MUC5B: variants seen among roughly 807,000 people sequenced by gnomAD.
The protein encoded by MUC5B is mucin-5B.
MUC5B carries 116 observed loss-of-function variants against 376.9 expected under a neutral mutation model. That is an observed-to-expected ratio of 0.31 (90% CI 0.26 to 0.36). The LOEUF (loss-of-function observed/expected upper bound fraction) is 0.36, where lower values mean the gene tolerates loss of function less well. MUC5B is among the 10% of genes least tolerant of loss of function. The pLI, the probability that MUC5B is intolerant of heterozygous loss-of-function variation, is 1.00. For missense variants in MUC5B, 7,165 were observed against 7,769.9 expected (o/e 0.92, Z 2.93); for synonymous variants, 3,517 against 3,390.9 (o/e 1.04, Z -1.29).
rs200305539 is a variant in MUC5B, at chr11:1,249,733, C to A, written c.12853C>A (p.Pro4285Thr). The stretch of plus-strand genomic sequence containing the variant: ...TCCCCCTCCCAAAGTGCTGACCAGC[C>A]CGGCCACCACACCCACAGCCACCAG... ...TAPPPKVLTS[P>T]ATTPTATSSK... The change falls in exon 31 of 49, where the codon CCG becomes ACG. Residue 4285 changes from proline to threonine, a missense_variant. Pro to Thr is a conservative substitution (Grantham distance 38). Transcript: ENST00000529681. The A allele has an allele frequency of 1.3e-3, 2,118 of 1,582,430 alleles. 255 individuals are homozygous for A. The highest frequency in any genetic ancestry group is 2.6e-3 in the East Asian group (114 of 44,638).
At position 1,252,937 on chromosome 11, in the gene MUC5B, G is replaced by A. The variant is rs1286520208; in HGVS notation, c.15174G>A (p.Val5058=). 3 of 1,612,716 alleles carry A rather than the reference G, an allele frequency of 1.9e-6. No individual in the cohort carries two copies. Among genetic ancestry groups the A allele is most frequent in the Non-Finnish European group, 2.5e-6 (3 of 1,179,870 alleles). Residue 5058 remains valine, a synonymous_variant, in exon 33 of 49, where the codon GTG becomes GTA. Transcript: ENST00000529681. ...TCVNKHLPIK[V]SDPSQPCDFH... ...TGAACAAGCACCTGCCCATCAAAGT[G>A]TCGGACCCGAGCCAGCCCTGTGACT... is the stretch of plus-strand genomic sequence containing the variant.
At position 1,261,444 on chromosome 11, in the gene MUC5B, C is replaced by G; in HGVS notation, c.17125C>G (p.Arg5709Gly). 1 of 1,547,286 alleles carries G rather than the reference C, an allele frequency of 6.5e-7. No homozygotes were observed. Among genetic ancestry groups the G allele is most frequent in the Non-Finnish European group, 8.7e-7 (1 of 1,147,298 alleles). ...QHQCTCCQERRVHEETVPLHC... is the reference protein window; with the variant it reads ...QHQCTCCQERGVHEETVPLHC... ...CCAGTGCACCTGCTGCCAGGAGAGG[C>G]GGGTCCACGAGGAGACGGTGCCCTT... Residue 5709 changes from arginine (R) to glycine (G), a missense_variant, in exon 49 of 49, where the codon CGG becomes GGG. Transcript: ENST00000529681.
At position 1,258,119 on chromosome 11, in the gene MUC5B, C is replaced by A. The variant is rs766767771; in HGVS notation, c.16471C>A (p.Pro5491Thr). The A allele has an allele frequency of 1.1e-5, 18 of 1,592,152 alleles. No individual in the cohort carries two copies. In the East Asian group the frequency reaches 3.6e-4, roughly 32 times the overall value. ...TVCVCNTTTC[P>T]QSLPVCPPGQ... ...CGCAGTGTGCAACACAACCACCTGCCCCCAGAGCCTGCCTGTGTGCCCGCC... is the reference window on the plus strand; with the variant it reads ...CGCAGTGTGCAACACAACCACCTGCACCCAGAGCCTGCCTGTGTGCCCGCC... Residue 5491 changes from proline to threonine, a missense_variant, in exon 42 of 49, where the codon CCC (proline) becomes ACC (threonine). Pro to Thr is a conservative substitution (Grantham distance 38). This residue lies in a region of MUC5B where 842 missense variants were observed against 1,016.9 expected (regional missense o/e 0.83). Coordinates refer to ENST00000529681, the MANE Select transcript of MUC5B (RefSeq NM_002458.3). This position sits in a 1 kb window ranked among gnomAD's most constrained non-coding sequence, Gnocchi z 5.5.
rs763521561 is a variant in MUC5B at position 1,246,815 on chromosome 11, C to G, written c.9935C>G (p.Thr3312Arg). 2 of 1,607,830 alleles carry G rather than the reference C, an allele frequency of 1.2e-6. No homozygotes were observed. The highest frequency in any genetic ancestry group is 1.7e-5 in the Admixed American group (1 of 59,852). The change falls in exon 31 of 49, where the codon ACA becomes AGA. Residue 3312 changes from threonine to arginine, a missense_variant. Thr to Arg is a moderately conservative substitution (Grantham distance 71). Around this residue, in one of 31 missense-constraint regions of MUC5B, gnomAD observed 939 missense variants for 770.6 expected, o/e 1.22. Transcript: ENST00000529681. ...CACACTACCAAAGTGCCGACTACCA[C>G]AACCACGGGCTTCACAGCCACCCCC... Reference protein sequence around the residue: ...TAHTTKVPTTTTTGFTATPSS... With the variant: ...TAHTTKVPTTRTTGFTATPSS...
At position 1,241,267 on chromosome 11, in the gene MUC5B, A is replaced by G. The variant is rs766006565; in HGVS notation, c.4387A>G (p.Thr1463Ala). 5.6e-6 allele frequency: 9 copies of G among 1,593,818 alleles called. No individual in the cohort carries two copies. The highest frequency in any genetic ancestry group is 4.5e-5 in the South Asian group (4 of 88,394). ...GCCTACCCCAACCCAGACCACAGCA[A>G]CCGAAAAGACCACCCTATGGGTGAC... ...AVPTPTQTTA[T>A]EKTTLWVTPS... is the part of the protein sequence containing the mutation. The change falls in exon 31 of 49, where the codon ACC becomes GCC. Residue 1463 changes from threonine to alanine, a missense_variant. Physicochemically the swap from Thr to Ala is moderately conservative, Grantham distance 58 (BLOSUM62 0). Coordinates refer to ENST00000529681, the MANE Select transcript of MUC5B (RefSeq NM_002458.3).
chr11:1,243,887 G>A lies in MUC5B; in HGVS notation c.7007G>A (p.Gly2336Glu), dbSNP rs1186690452. The A allele has an allele frequency of 3.7e-6, 6 of 1,610,556 alleles. No homozygotes were observed. The highest frequency in any genetic ancestry group is 4.2e-6 in the Non-Finnish European group (5 of 1,179,274). ...TACCCCATGCCGGGGCCCTCTGGCG[G>A]GGACTTTGACACCTACTCCAACATC... ...YSYPMPGPSG[G>E]DFDTYSNIRA... is the part of the protein sequence containing the mutation. The change falls in exon 31 of 49, where the codon GGG (glycine) becomes GAG (glutamate). Residue 2336 changes from glycine to glutamate, a missense_variant. By Grantham distance (98) the Gly-to-Glu change is moderately conservative. Transcript: ENST00000529681.
rs1862240902 is a variant in MUC5B, at chr11:1,239,952, G to T, written c.3728+9G>T. 1 of 1,612,490 alleles carries T rather than the reference G, an allele frequency of 6.2e-7. No homozygotes were observed. Among genetic ancestry groups the T allele is most frequent in the Admixed American group, 1.7e-5 (1 of 59,876 alleles). ...GAGAACTGCCAGAGCTGGTGAGGGGGTGGGAAGCGGGTGGCGCTGGGGGAG... is the reference window on the plus strand; with the variant it reads ...GAGAACTGCCAGAGCTGGTGAGGGGTTGGGAAGCGGGTGGCGCTGGGGGAG... On this transcript the variant is annotated intron_variant, in intron 28 of 48. Transcript: ENST00000529681.
chr11:1,247,594 G>A lies in MUC5B; in HGVS notation c.10714G>A (p.Glu3572Lys), dbSNP rs1330298743. Residue 3572 changes from glutamate to lysine, a missense_variant, in exon 31 of 49, where the codon GAG (glutamate) becomes AAG (lysine). Glu to Lys is a moderately conservative substitution (Grantham distance 56, BLOSUM62 1). Around this residue, in one of 31 missense-constraint regions of MUC5B, gnomAD observed 81 missense variants for 154.5 expected, o/e 0.52. Coordinates refer to ENST00000529681, the MANE Select transcript of MUC5B (RefSeq NM_002458.3). ...AACCACGGTGGTGACCACGGGCTGTGAGCCCCAGTGTGCCTGGTCAGAGTG... is the reference window on the plus strand; with the variant it reads ...AACCACGGTGGTGACCACGGGCTGTAAGCCCCAGTGTGCCTGGTCAGAGTG... ...PITTVVTTGC[E>K]PQCAWSEWLD... 3.1e-6 allele frequency: 5 copies of A among 1,610,722 alleles called. No homozygotes were observed. The highest frequency in any genetic ancestry group is 2.3e-4 in the Middle Eastern group (1 of 4,428).
In MUC5B at chr11:1,234,539, A is replaced by C; in HGVS notation, c.2489A>C (p.His830Pro). 6.3e-7 allele frequency: 1 copy of C among 1,581,382 alleles called. No homozygotes were observed. The highest frequency in any genetic ancestry group is 8.6e-7 in the Non-Finnish European group (1 of 1,164,546). The change falls in exon 21 of 49, where the codon CAC (histidine) becomes CCC (proline). Residue 830 changes from histidine (H) to proline (P), a missense_variant. By Grantham distance (77) the His-to-Pro change is moderately conservative (BLOSUM62 -2). Transcript: ENST00000529681. The surrounding 1 kb of genome is among the most constrained non-coding windows in gnomAD (Gnocchi z 6.3). The part of the protein sequence containing the change: ...HTLDVGCFST[H>P]CVSGCVCPPG... ...GCCTGGGCCCCACAGTTCAGCACAC[A>C]CTGCGTGTCCGGCTGTGTCTGTCCC...
rs1339576046 is a variant in MUC5B, at chr11:1,244,909, C to A, written c.8029C>A (p.Pro2677Thr). 4 of 1,604,526 alleles carry A rather than the reference C, an allele frequency of 2.5e-6. No individual in the cohort carries two copies. The highest frequency in any genetic ancestry group is 2.7e-5 in the African/African-American group (2 of 74,134). Residue 2677 changes from proline to threonine, a missense_variant, in exon 31 of 49, where the codon CCC becomes ACC. Pro to Thr is a conservative substitution (Grantham distance 38). Around this residue, in one of 31 missense-constraint regions of MUC5B, gnomAD observed 141 missense variants for 111.2 expected, o/e 1.27. Coordinates refer to ENST00000529681, the MANE Select transcript of MUC5B (RefSeq NM_002458.3). ...TTVATGSMAT[P>T]SSSTQTSGTP... is the part of the protein sequence containing the mutation. ...TGTGGCCACTGGTTCTATGGCAACA[C>A]CCTCCTCTAGCACACAGACCAGTGG...
Position 1,242,737 on chromosome 11 carries a change from G to A in MUC5B, c.5857G>A (p.Ala1953Thr), listed in dbSNP as rs776983087. The change falls in exon 31 of 49, where the codon GCC (alanine) becomes ACC (threonine). Residue 1953 changes from alanine to threonine, a missense_variant. Coordinates refer to ENST00000529681, the MANE Select transcript of MUC5B (RefSeq NM_002458.3). ...ATTPTVTSSK[A>T]TPSSSPGTAT... ...CACACCCACAGTCACCAGCTCCAAA[G>A]CCACTCCCTCCTCCAGTCCAGGGAC... The A allele has an allele frequency of 1.9e-6, 3 of 1,612,888 alleles. No individual in the cohort carries two copies. Among genetic ancestry groups the A allele is most frequent in the Admixed American group, 3.3e-5 (2 of 59,940 alleles).
At chr11:1,240,704 A>G (rs1337576802) in intron 30 of MUC5B, 147 bp from the exon 31 acceptor site, 2 of 802,538 alleles carry the variant, frequency 2.5e-6, no homozygotes, top group African/African-American at 3.5e-5. Flanking sequence ...AAACGGCTCT[A>G]ACCAAGGCTG....
Position 1,244,789 on chromosome 11 carries a change from A to G in MUC5B, c.7909A>G (p.Thr2637Ala), listed in dbSNP as rs527359221. Reference protein sequence around the residue: ...ARTLPVWISTTTTPTTRGSTV... With the variant: ...ARTLPVWISTATTPTTRGSTV... ...CACGCTTCCAGTGTGGATCAGCACA[A>G]CCACCACACCCACAACCAGAGGTTC... Residue 2637 changes from threonine to alanine, a missense_variant, in exon 31 of 49, where the codon ACC (threonine) becomes GCC (alanine). Physicochemically the swap from Thr to Ala is moderately conservative, Grantham distance 58 (BLOSUM62 0). Coordinates refer to ENST00000529681, the MANE Select transcript of MUC5B (RefSeq NM_002458.3). The G allele has an allele frequency of 6.2e-7, 1 of 1,612,212 alleles. No homozygotes were observed. The highest frequency in any genetic ancestry group is 1.7e-5 in the Admixed American group (1 of 59,830).
In MUC5B at chr11:1,250,912, C is replaced by T. The variant is rs756549482; in HGVS notation, c.14032C>T (p.Pro4678Ser). The change falls in exon 31 of 49, where the codon CCA becomes TCA. Residue 4678 changes from proline to serine, a missense_variant. By Grantham distance (74) the Pro-to-Ser change is moderately conservative. Around this residue, in one of 31 missense-constraint regions of MUC5B, gnomAD observed 730 missense variants for 592.7 expected, o/e 1.23. Coordinates refer to ENST00000529681, the MANE Select transcript of MUC5B (RefSeq NM_002458.3). ...SSSTQTSGTP[P>S]SLTTTATTIT... Reference sequence around the variant, plus strand: ...TAGCACACAGACCAGTGGTACTCCCCCATCACTGACCACCACGGCCACTAC... The same window carrying T: ...TAGCACACAGACCAGTGGTACTCCCTCATCACTGACCACCACGGCCACTAC... 1.9e-6 allele frequency: 3 copies of T among 1,591,658 alleles called. No individual in the cohort carries two copies. The South Asian group carries it at 3.4e-5, about 18-fold the overall frequency.
rs774742312 is a variant in MUC5B, at chr11:1,258,929, C to T, written c.16594-13C>T. 2.6e-6 allele frequency: 4 copies of T among 1,550,306 alleles called. No individual in the cohort carries two copies. In the African/African-American group the frequency reaches 5.5e-5, roughly 21 times the overall value. ...CACCAGTGCCCTCAGTGCCACCCTC[C>T]CACCCCTTGCAGGTTGGTGCAACCT... On this transcript the variant is annotated splice_polypyrimidine_tract_variant and intron_variant, in intron 43 of 48. Coordinates refer to ENST00000529681, the MANE Select transcript of MUC5B (RefSeq NM_002458.3). The surrounding 1 kb of genome is among the most constrained non-coding windows in gnomAD (Gnocchi z 5.5).
In MUC5B at chr11:1,248,113, C is replaced by G. The variant is rs1332881514; in HGVS notation, c.11233C>G (p.Gln3745Glu). Reference sequence around the variant, plus strand: ...ATCCACGGCCACCGCCTCCTCCACCCAGGCAACTGCTGGCACCCCACATGT... The same window carrying G: ...ATCCACGGCCACCGCCTCCTCCACCGAGGCAACTGCTGGCACCCCACATGT... Reference protein sequence around the residue: ...TGSTATASSTQATAGTPHVST... With the variant: ...TGSTATASSTEATAGTPHVST... The change falls in exon 31 of 49, where the codon CAG (glutamine) becomes GAG (glutamate). Residue 3745 changes from glutamine to glutamate, a missense_variant. By Grantham distance (29) the Gln-to-Glu change is conservative. Transcript: ENST00000529681. The G allele has an allele frequency of 1.9e-6, 3 of 1,599,714 alleles. No homozygotes were observed. The highest frequency in any genetic ancestry group is 1.1e-5 in the South Asian group (1 of 90,520).
At position 1,246,543 on chromosome 11, in the gene MUC5B, C is replaced by T. The variant is rs762656427; in HGVS notation, c.9663C>T (p.Ala3221=). Residue 3221 remains alanine, a synonymous_variant, in exon 31 of 49, where the codon GCC becomes GCT. Transcript: ENST00000529681. The part of the protein sequence containing the change: ...TPSSSPGTAT[A]LPALRSTATT... ...CCTCCAGTCCAGGGACTGCAACCGC[C>T]CTTCCAGCACTGAGAAGCACAGCCA... is the stretch of plus-strand genomic sequence containing the variant. The T allele has an allele frequency of 5.0e-6, 8 of 1,613,210 alleles. No individual in the cohort carries two copies. Among genetic ancestry groups the T allele is most frequent in the Non-Finnish European group, 6.8e-6 (8 of 1,179,612 alleles).
In MUC5B at chr11:1,239,498, G is replaced by A. The variant is rs775707560; in HGVS notation, c.3515G>A (p.Gly1172Glu). 2 of 1,606,436 alleles carry A rather than the reference G, an allele frequency of 1.2e-6. No individual in the cohort carries two copies. The highest frequency in any genetic ancestry group is 1.7e-6 in the Non-Finnish European group (2 of 1,174,924). Reference protein sequence around the residue: ...GGCEWHYQPCGAPCLKTCRNP... With the variant: ...GGCEWHYQPCEAPCLKTCRNP... Reference sequence around the variant, plus strand: ...TGTGAGTGGCACTACCAGCCCTGCGGGGCACCCTGCCTAAAAACCTGCCGG... The same window carrying A: ...TGTGAGTGGCACTACCAGCCCTGCGAGGCACCCTGCCTAAAAACCTGCCGG... Residue 1172 changes from glycine to glutamate, a missense_variant, in exon 27 of 49, where the codon GGG becomes GAG. Physicochemically the swap from Gly to Glu is moderately conservative, Grantham distance 98. Around this residue, in one of 31 missense-constraint regions of MUC5B, gnomAD observed 517 missense variants for 545.3 expected, o/e 0.95. Coordinates refer to ENST00000529681, the MANE Select transcript of MUC5B (RefSeq NM_002458.3).
rs764169009 is a variant in MUC5B, at chr11:1,243,144, C to T, written c.6264C>T (p.Ser2088=). The T allele has an allele frequency of 5.6e-6, 9 of 1,609,822 alleles. No homozygotes were observed. In the South Asian group the frequency reaches 8.8e-5, roughly 16 times the overall value. Residue 2088 remains serine (S), a synonymous_variant, in exon 31 of 49, where the codon TCC becomes TCT. Transcript: ENST00000529681. The stretch of plus-strand genomic sequence containing the variant: ...CCACCACACCCACAACCAGAGGCTC[C>T]ACGGTGACCCCCTCCTCCATCCCGG... ...STTTTPTTRG[S]TVTPSSIPGT... is the part of the protein sequence containing the mutation.
Sources: gnomAD v4.1 joint callset for allele counts on GRCh38, gnomAD v4.1.1 for gene constraint, gnomAD v4.1.1 regional missense constraint, Gnocchi (gnomAD v3.1) non-coding constraint, MANE v1.5 for transcripts, NCBI Gene and HGNC (gene_info 2026-07-23, HGNC 2026-07-21) for gene names.